The following GRM1 variants were observed in gnomAD, a reference collection of about 807,000 sequenced individuals.
GRM1 encodes the protein metabotropic glutamate receptor 1.
GRM1 carries 33 observed loss-of-function variants against 90.9 expected under a neutral mutation model. The observed-to-expected ratio is 0.36, with a 90% CI of 0.28 to 0.49. GRM1 has a LOEUF of 0.49. GRM1 is among the 20% of genes least tolerant of loss of function. GRM1 has a pLI of 0.99. For missense variants in GRM1, 1,190 were observed against 1,534.3 expected (o/e 0.78, Z 3.75); for synonymous variants, 700 against 613.2 (o/e 1.14, Z -2.09).
At chr6:146,382,322 TA>T (rs5880673) in intron 5 of GRM1, among the ~76,000 whole-genome samples, 82,581 of 142,988 alleles carry the variant, frequency 0.58, 23,525 homozygotes, top group South Asian at 0.64. Context: ...ACCTAAGATT[TA>T]AAAAAAAAAA....
intron 1 of GRM1, among the ~76,000 whole-genome samples, chr6:146,040,900 A>AT (rs1791075254): frequency 6.6e-6 from 1 of 151,024 alleles, no homozygotes; most frequent in Non-Finnish European, 1.5e-5. Flanking sequence ...TTTTGAGGCT[A>AT]TTTTCTGGAT....
chr6:146,055,445 A>T (rs942669595), intron 1 of GRM1, among the ~76,000 whole-genome samples: 1 of 152,128 alleles, frequency 6.6e-6, no homozygotes. Flanking sequence ...TTTCCTGAGA[A>T]TGAGAAATTT....
chr6:146,151,764 G>A (rs575869742), intron 1 of GRM1, among the ~76,000 whole-genome samples: 6 of 152,000 alleles, frequency 3.9e-5, no homozygotes, highest in Non-Finnish European at 8.8e-5. Context: ...CATTTTCAGT[G>A]CCTATCTTAA....
At chr6:146,184,444 TTAAC>T (rs1439442700) in intron 2 of GRM1, among the ~76,000 whole-genome samples, 2 of 152,114 alleles carry the variant, frequency 1.3e-5, no homozygotes, top group Admixed American at 1.3e-4. Flanking sequence ...TTTTTTTTAA[TTAAC>T]TATCTGTGGA....
chr6:146,074,919 A>G (rs1366000599), intron 1 of GRM1, among the ~76,000 whole-genome samples: 1 of 152,214 alleles, frequency 6.6e-6, no homozygotes, highest in African/African-American at 2.4e-5. Context: ...GCTTAGTGAA[A>G]TACCGTTATG....
chr6:146,429,223 C>T (rs1481271442), intron 7 of GRM1, among the ~76,000 whole-genome samples: 2 of 152,138 alleles, frequency 1.3e-5, no homozygotes, highest in African/African-American at 4.8e-5. Context: ...TTTAAGATGT[C>T]ATATCAACAG....
At chr6:146,391,366 T>C (rs531175394) in intron 6 of GRM1, among the ~76,000 whole-genome samples, 4 of 152,204 alleles carry the variant, frequency 2.6e-5, no homozygotes, top group African/African-American at 7.2e-5. Flanking sequence ...CTGAGTTCTC[T>C]GTAATAACCC....
chr6:146,293,305 T>A (rs1783058106), intron 2 of GRM1, among the ~76,000 whole-genome samples: 1 of 152,020 alleles, frequency 6.6e-6, no homozygotes, highest in South Asian at 2.1e-4. Context: ...AATTGAATAA[T>A]TTTTAAAAAA....
chr6:146,281,323 G>A (rs1276695310), intron 2 of GRM1, among the ~76,000 whole-genome samples: 1 of 152,146 alleles, frequency 6.6e-6, no homozygotes, highest in Non-Finnish European at 1.5e-5. Context: ...TAAGATTTTG[G>A]TACATTACTT....
chr6:146,125,300 A>C (rs1776154745), intron 1 of GRM1, among the ~76,000 whole-genome samples: 1 of 152,146 alleles, frequency 6.6e-6, no homozygotes, highest in Non-Finnish European at 1.5e-5. Flanking sequence ...ATCTTAATTT[A>C]GTTATTAAAT....
intron 2 of GRM1, among the ~76,000 whole-genome samples, chr6:146,248,375 G>T (rs1781149518): frequency 6.6e-6 from 1 of 152,164 alleles, no homozygotes; most frequent in Admixed American, 6.5e-5. Flanking sequence ...TATCGAGGGA[G>T]GGACCTAGTA....
intron 2 of GRM1, among the ~76,000 whole-genome samples, chr6:146,195,911 A>C (rs17075731): frequency 0.012 from 1,853 of 152,344 alleles, 77 homozygotes; most frequent in East Asian, 0.091. Context: ...ATTCAACAGC[A>C]GGAGGTACTG....
intron 5 of GRM1, among the ~76,000 whole-genome samples, chr6:146,359,809 T>G (rs1258746811): frequency 1.3e-5 from 2 of 152,188 alleles, no homozygotes; most frequent in African/African-American, 4.8e-5. Context: ...ATCCCAGAAG[T>G]TGTTGCTGAG....
chr6:146,364,780 T>A (rs1210590550), intron 5 of GRM1, among the ~76,000 whole-genome samples: 2 of 149,084 alleles, frequency 1.3e-5, no homozygotes, highest in East Asian at 3.9e-4. Flanking sequence ...TCTTCTATTT[T>A]TTTTTTTTTT....
intron 2 of GRM1, among the ~76,000 whole-genome samples, chr6:146,168,077 T>A (rs12201983): frequency 2.6e-5 from 4 of 152,064 alleles, no homozygotes; most frequent in Non-Finnish European, 5.9e-5. Context: ...GTTCTTTTTA[T>A]GTAAGAATAT....
At chr6:146,077,105 CA>C (rs1480456888) in intron 1 of GRM1, among the ~76,000 whole-genome samples, 2 of 152,098 alleles carry the variant, frequency 1.3e-5, no homozygotes, top group Non-Finnish European at 2.9e-5. Flanking sequence ...TTCTCATTTT[CA>C]ATTAAATTTG....
chr6:146,312,487 A>C (rs1010232534), intron 3 of GRM1, among the ~76,000 whole-genome samples: 1 of 152,146 alleles, frequency 6.6e-6, no homozygotes, highest in Non-Finnish European at 1.5e-5. Flanking sequence ...ACTTTTCTAA[A>C]AAGATTTAAC....
upstream of GRM1, among the ~76,000 whole-genome samples, chr6:146,028,302 G>A (rs1562411823): frequency 6.6e-6 from 1 of 151,406 alleles, no homozygotes; most frequent in Non-Finnish European, 1.5e-5. Flanking sequence ...TCAGAGGAGG[G>A]AGGTTGAAAG....
intron 3 of GRM1, among the ~76,000 whole-genome samples, chr6:146,348,224 G>A (rs1009296593): frequency 2.6e-5 from 4 of 152,168 alleles, no homozygotes; most frequent in Non-Finnish European, 5.9e-5. Context: ...AGGTGACAAT[G>A]TTATTAGTTT....
Sources: allele counts gnomAD v4.1 joint callset (sites outside exome capture counted in the v4.1 genomes callset), GRCh38; gene constraint gnomAD v4.1.1; transcripts MANE v1.5; gene names NCBI Gene and HGNC (gene_info 2026-07-23, HGNC 2026-07-21).